SLC23A2: variants seen among roughly 807,000 people sequenced by gnomAD.
The protein encoded by SLC23A2 is solute carrier family 23 member 2.
A neutral mutation model predicts 73.3 loss-of-function variants in SLC23A2; 36 were observed. That is an observed-to-expected ratio of 0.49 (90% CI 0.38 to 0.65). The LOEUF is 0.65. SLC23A2 is among the 30% of genes least tolerant of loss of function. The pLI is 0.00. For synonymous variants in SLC23A2, 343 were observed against 327.3 expected (o/e 1.05, Z -0.52); for missense variants, 507 against 841.6 (o/e 0.60, Z 4.92).
At chr20:4,878,482 G>T (rs1214086883) in intron 9 of SLC23A2, among the ~76,000 whole-genome samples, 1 of 152,142 alleles carries the variant, frequency 6.6e-6, no homozygotes, top group Non-Finnish European at 1.5e-5. Context: ...TGCCACGACA[G>T]ATTTGTTTTT....
chr20:4,877,916 C>T (rs552261377), intron 9 of SLC23A2, among the ~76,000 whole-genome samples: 1 of 152,386 alleles, frequency 6.6e-6, no homozygotes, highest in South Asian at 2.1e-4. Flanking sequence ...CGTCTCTAAA[C>T]TCCATCTCCA....
chr20:4,889,430 G>A (rs1379809896), intron 6 of SLC23A2, among the ~76,000 whole-genome samples: 3 of 151,848 alleles, frequency 2.0e-5, no homozygotes, highest in African/African-American at 7.3e-5. Flanking sequence ...AATGAGTGAA[G>A]GACCTGCTCT....
At chr20:4,979,700 A>G (rs868561024) in intron 1 of SLC23A2, among the ~76,000 whole-genome samples, 1 of 152,166 alleles carries the variant, frequency 6.6e-6, no homozygotes, top group African/African-American at 2.4e-5. Context: ...GAAATCTATA[A>G]AATACTTTAA....
At chr20:4,931,495 G>A (rs775813579) in intron 3 of SLC23A2, among the ~76,000 whole-genome samples, 5 of 152,130 alleles carry the variant, frequency 3.3e-5, no homozygotes, top group Non-Finnish European at 7.3e-5. Context: ...GGTGGCTCAT[G>A]CTTATAATCC....
chr20:4,972,034 G>A (rs1375885416), intron 1 of SLC23A2, among the ~76,000 whole-genome samples: 1 of 152,028 alleles, frequency 6.6e-6, no homozygotes, highest in Non-Finnish European at 1.5e-5. Context: ...TTTATTAAAC[G>A]GCTATGTTTT....
At chr20:4,922,916 G>C (rs1195907283) in intron 3 of SLC23A2, among the ~76,000 whole-genome samples, 2 of 151,814 alleles carry the variant, frequency 1.3e-5, no homozygotes, top group African/African-American at 4.8e-5. Flanking sequence ...TATAGTAAGA[G>C]ACTGTAGCAA....
chr20:4,936,758 G>A (rs765704721), intron 2 of SLC23A2, among the ~76,000 whole-genome samples: 3 of 152,226 alleles, frequency 2.0e-5, no homozygotes, highest in Non-Finnish European at 2.9e-5. Context: ...GCAAGTAACT[G>A]TGCTCCATTT....
intron 1 of SLC23A2, among the ~76,000 whole-genome samples, chr20:4,988,734 C>CAA (rs35710976): frequency 6.0e-4 from 75 of 125,138 alleles, no homozygotes; most frequent in Admixed American, 1.4e-3. Context: ...GACTTCGTCT[C>CAA]AAAAAAAAAA....
At chr20:4,976,403 C>T (rs865966010) in intron 1 of SLC23A2, among the ~76,000 whole-genome samples, 4 of 152,028 alleles carry the variant, frequency 2.6e-5, no homozygotes, top group African/African-American at 7.2e-5. Context: ...CGGCCGGGCA[C>T]GGTGGCTAAC....
At chr20:4,986,649 T>TACAC (rs55738084) in intron 1 of SLC23A2, among the ~76,000 whole-genome samples, 1,513 of 129,778 alleles carry the variant, frequency 0.012, 11 homozygotes, top group East Asian at 0.024. Flanking sequence ...CATACACACA[T>TACAC]ACACACACAC....
intron 1 of SLC23A2, among the ~76,000 whole-genome samples, chr20:4,996,907 T>C (rs989228814): frequency 3.3e-5 from 5 of 152,084 alleles, no homozygotes; most frequent in Admixed American, 6.6e-5. Context: ...CCATTGAGGA[T>C]GACCTTCCCC....
chr20:4,898,587 C>T (rs895241692), intron 6 of SLC23A2, among the ~76,000 whole-genome samples: 10 of 152,274 alleles, frequency 6.6e-5, no homozygotes, highest in African/African-American at 2.2e-4. Context: ...CTGAGCAGTG[C>T]CCTGGGGTAA....
intron 1 of SLC23A2, among the ~76,000 whole-genome samples, chr20:4,994,768 A>T (rs941285341): frequency 1.3e-4 from 19 of 151,882 alleles, no homozygotes; most frequent in African/African-American, 4.6e-4. Flanking sequence ...CCCCAAAAAA[A>T]ATATGAAAAT....
intron 2 of SLC23A2, among the ~76,000 whole-genome samples, chr20:4,950,512 G>A (rs954752033): frequency 2.6e-5 from 4 of 152,160 alleles, no homozygotes; most frequent in Non-Finnish European, 5.9e-5. Context: ...CTGAACAGTG[G>A]AAGTACCCAT....
chr20:5,005,759 GGGTGGATCACTTGA>G, upstream of SLC23A2, among the ~76,000 whole-genome samples: 1 of 152,128 alleles, frequency 6.6e-6, no homozygotes, highest in East Asian at 1.9e-4. Context: ...AGGCCGAGAT[GGGTGGATCACTTGA>G]GGTCAGGAGT....
Position 4,932,651 on chromosome 20 carries a change from C to T in SLC23A2, c.-89G>A. The T allele has an allele frequency of 2.6e-6, 2 of 762,388 alleles. No homozygotes were observed. Among genetic ancestry groups the T allele is most frequent in the East Asian group, 5.0e-5 (2 of 40,244 alleles). The allele number at this position is 762,388 out of a possible 1,614,324, so 47.2% of individuals were successfully genotyped here. ...GCTAGGAGCCCAGGATCAGCCGGCT[C>T]TTCTAGTGCCTGGAGCCCCCGATTC... On this transcript the variant is annotated 5_prime_UTR_variant, in exon 3 of 17. Transcript: ENST00000338244.
intron 2 of SLC23A2, among the ~76,000 whole-genome samples, chr20:4,967,237 G>T (rs951479087): frequency 6.6e-6 from 1 of 152,060 alleles, no homozygotes; most frequent in Middle Eastern, 3.4e-3. Flanking sequence ...AATAATATGT[G>T]TATTTAAAAA....
At chr20:4,887,811 G>C (rs1931165138) in intron 6 of SLC23A2, among the ~76,000 whole-genome samples, 1 of 152,226 alleles carries the variant, frequency 6.6e-6, no homozygotes, top group Non-Finnish European at 1.5e-5. Flanking sequence ...AAGCTGTTAA[G>C]ACGCCAGCAC....
chr20:4,867,609 A>G (rs1177594323), intron 13 of SLC23A2, among the ~76,000 whole-genome samples, 161 bp downstream of exon 13: 1 of 146,764 alleles, frequency 6.8e-6, no homozygotes, highest in Non-Finnish European at 1.5e-5. Flanking sequence ...ACTTCCAAAC[A>G]GGCATTATAA....
Sources: allele counts gnomAD v4.1 joint callset (sites outside exome capture counted in the v4.1 genomes callset), GRCh38; gene constraint gnomAD v4.1.1; transcripts MANE v1.5; gene names NCBI Gene and HGNC (gene_info 2026-07-23, HGNC 2026-07-21).